STAB2: variants seen among roughly 807,000 people sequenced by gnomAD.
The protein encoded by STAB2 is stabilin-2.
A neutral mutation model predicts 338.1 loss-of-function variants in STAB2; 288 were observed. The observed-to-expected ratio is 0.85, with a 90% CI of 0.77 to 0.94. The LOEUF (loss-of-function observed/expected upper bound fraction) is 0.94. Ranked by LOEUF, STAB2 falls within the 40% of genes least tolerant of loss-of-function variation. The pLI, the probability that STAB2 is intolerant of heterozygous loss-of-function variation, is 0.00. For missense variants in STAB2, 3,141 were observed against 3,210.1 expected (o/e 0.98, Z 0.52); for synonymous variants, 1,202 against 1,193.3 (o/e 1.01, Z -0.15).
At position 103,631,525 on chromosome 12, in the gene STAB2, A is replaced by G. The variant is rs1957461974; in HGVS notation, c.488-73A>G. On this transcript the variant is annotated intron_variant, in intron 5 of 68. Coordinates refer to ENST00000388887, the MANE Select transcript of STAB2 (RefSeq NM_017564.10). ...CAGAGTCTCAGCAAAGATGATCTAA[A>G]AACACTAGCTTTCCAGAATGTTTAG... 3.4e-6 allele frequency: 5 copies of G among 1,459,056 alleles called. No individual in the cohort carries two copies. In the Admixed American group the frequency reaches 8.4e-5, roughly 25 times the overall value. The allele number at this position is 1,459,056 out of a possible 1,614,324, so 90.4% of individuals were successfully genotyped here.
At chr12:103,731,745 G>C in intron 50 of STAB2, 110 bp downstream of exon 50, 1 of 1,067,640 alleles carries the variant, frequency 9.4e-7, no homozygotes, top group Non-Finnish European at 1.4e-6. Flanking sequence ...GCTGTTGTGG[G>C]ATCTGCATGG....
At chr12:103,761,542 C>A in intron 66 of STAB2, 132 bp downstream of exon 66, 1 of 767,014 alleles carries the variant, frequency 1.3e-6, no homozygotes, top group Non-Finnish European at 2.1e-6. Flanking sequence ...CAGCCTCCAA[C>A]CTCCAAGGTA....
At position 103,725,079 on chromosome 12, in the gene STAB2, C is replaced by T. The variant is rs751986200; in HGVS notation, c.4788C>T (p.Arg1596=). 9 of 1,612,860 alleles carry T rather than the reference C, an allele frequency of 5.6e-6. No individual in the cohort carries two copies. The highest frequency in any genetic ancestry group is 7.6e-6 in the Non-Finnish European group (9 of 1,179,068). ...ACATTGGAGATGGATTTACCTGCCG[C>T]GGCAGCATTTATCAGGTAACGCGAG... The part of the protein sequence containing the change: ...PNYIGDGFTC[R]GSIYQELPKN... The change falls in exon 45 of 69, where the codon CGC becomes CGT. Residue 1596 remains arginine (R), a synonymous_variant. Coordinates refer to ENST00000388887, the MANE Select transcript of STAB2 (RefSeq NM_017564.10).
intron 5 of STAB2, among the ~76,000 whole-genome samples, chr12:103,624,566 G>A (rs1957351363): frequency 6.6e-6 from 1 of 152,190 alleles, no homozygotes; most frequent in African/African-American, 2.4e-5. Flanking sequence ...TTATTCCCTA[G>A]CATCCCCTAA....
At chr12:103,613,749 A>G (rs1222607621) in intron 3 of STAB2, among the ~76,000 whole-genome samples, 1 of 152,172 alleles carries the variant, frequency 6.6e-6, no homozygotes, top group Non-Finnish European at 1.5e-5. Context: ...TCAGTTGGAA[A>G]TGCAGAAATC....
At chr12:103,597,649 C>T (rs1450517559) in intron 3 of STAB2, among the ~76,000 whole-genome samples, 1 of 152,294 alleles carries the variant, frequency 6.6e-6, no homozygotes, top group East Asian at 1.9e-4. Context: ...ATTTATACTA[C>T]TTTATCAAAT....
intron 26 of STAB2, among the ~76,000 whole-genome samples, chr12:103,683,989 A>G (rs1279164500): frequency 6.6e-6 from 1 of 152,174 alleles, no homozygotes; most frequent in Non-Finnish European, 1.5e-5. Flanking sequence ...AGAGGCAGGA[A>G]GTATAGCTAG....
At position 103,758,293 on chromosome 12, in the gene STAB2, A is replaced by G; in HGVS notation, c.7107+4A>G. 6.2e-7 allele frequency: 1 copy of G among 1,613,176 alleles called. No individual in the cohort carries two copies. The highest frequency in any genetic ancestry group is 8.5e-7 in the Non-Finnish European group (1 of 1,180,012). On this transcript the variant is annotated splice_donor_region_variant and intron_variant, in intron 64 of 68. Coordinates refer to ENST00000388887, the MANE Select transcript of STAB2 (RefSeq NM_017564.10). Reference sequence around the variant, plus strand: ...CAGTGGGCTGGGGGAGAATGAGGTGAGTTGAGTCCCTGGTGCCTTTGCTTT... The same window carrying G: ...CAGTGGGCTGGGGGAGAATGAGGTGGGTTGAGTCCCTGGTGCCTTTGCTTT...
chr12:103,740,845 G>A (rs973281913), intron 55 of STAB2, 89 bp downstream of exon 55: 2 of 1,455,902 alleles, frequency 1.4e-6, no homozygotes, highest in South Asian at 1.5e-5. Context: ...AAAATTATAG[G>A]GGGATGGGGG....
intron 20 of STAB2, chr12:103,669,315 T>G (rs192516629): frequency 2.0e-6 from 1 of 490,844 alleles, no homozygotes; most frequent in East Asian, 3.3e-5. Context: ...CTCTGTCTGT[T>G]CGCACAGTGT....
chr12:103,712,028 G>T (rs1382484982), intron 40 of STAB2, among the ~76,000 whole-genome samples: 2 of 152,218 alleles, frequency 1.3e-5, no homozygotes, highest in African/African-American at 4.8e-5. Flanking sequence ...AATCCGACTT[G>T]CCAGGGCTAT....
chr12:103,611,024 C>G (rs1261523706), intron 3 of STAB2, among the ~76,000 whole-genome samples: 1 of 152,172 alleles, frequency 6.6e-6, no homozygotes, highest in African/African-American at 2.4e-5. Flanking sequence ...ATCCCGAGTT[C>G]TAGTTTGATT....
chr12:103,751,754 G>A (rs1254877261), intron 60 of STAB2, among the ~76,000 whole-genome samples: 1 of 152,164 alleles, frequency 6.6e-6, no homozygotes, highest in Non-Finnish European at 1.5e-5. Context: ...CTTCCAAGTG[G>A]AAATCTACCC....
intron 3 of STAB2, among the ~76,000 whole-genome samples, chr12:103,613,273 C>G (rs1957155412): frequency 6.6e-6 from 1 of 152,196 alleles, no homozygotes; most frequent in Non-Finnish European, 1.5e-5. Context: ...TGGCTATGCC[C>G]TGCCCACAGA....
chr12:103,766,506 C>A lies in STAB2; in HGVS notation c.*170C>A. The A allele has an allele frequency of 1.4e-6, 1 of 704,320 alleles. No homozygotes were observed. Among genetic ancestry groups the A allele is most frequent in the Non-Finnish European group, 2.3e-6 (1 of 432,556 alleles). The allele number at this position is 704,320 out of a possible 1,614,324, so 43.6% of individuals were successfully genotyped here. A position where few individuals can be genotyped will look rare whatever the true frequency, so the allele number is the denominator to read the frequency against. On this transcript the variant is annotated 3_prime_UTR_variant, in exon 69 of 69. Transcript: ENST00000388887. ...GTTTCTGTGGGTGAGAGATGTGTTGCTGTGCCCACCCAGTACAGCTTCCTC... is the reference window on the plus strand; with the variant it reads ...GTTTCTGTGGGTGAGAGATGTGTTGATGTGCCCACCCAGTACAGCTTCCTC...
intron 44 of STAB2, among the ~76,000 whole-genome samples, chr12:103,718,457 A>C (rs1418354461): frequency 1.3e-5 from 2 of 152,078 alleles, no homozygotes; most frequent in Non-Finnish European, 2.9e-5. Flanking sequence ...GGATAGAAGC[A>C]CTGTGTCTCC....
chr12:103,654,977 G>T (rs1482913511), intron 13 of STAB2: 4 of 545,632 alleles, frequency 7.3e-6, no homozygotes, highest in Non-Finnish European at 1.3e-5. Flanking sequence ...CAATCATCAT[G>T]AAAATATTTT....
intron 9 of STAB2, among the ~76,000 whole-genome samples, chr12:103,647,144 G>C (rs185335168): frequency 6.6e-6 from 1 of 152,306 alleles, no homozygotes; most frequent in East Asian, 1.9e-4. Flanking sequence ...GAATTTTAAA[G>C]CGCAGTCAGG....
At position 103,706,820 on chromosome 12, in the gene STAB2, G is replaced by A. The variant is rs1566032927; in HGVS notation, c.4025G>A (p.Gly1342Asp). 3 of 1,614,090 alleles carry A rather than the reference G, an allele frequency of 1.9e-6. No homozygotes were observed. The South Asian group carries it at 3.3e-5, about 18-fold the overall frequency. Residue 1342 changes from glycine (G) to aspartate (D), a missense_variant, in exon 38 of 69, where the codon GGC becomes GAC. Coordinates refer to ENST00000388887, the MANE Select transcript of STAB2 (RefSeq NM_017564.10). ...AGAGAATGCTGTGCCGGCTTCTTTG[G>A]CCCCCAATGCCAGCCCTGCCCAGGG... Reference protein sequence around the residue: ...ITRECCAGFFGPQCQPCPGNA... With the variant: ...ITRECCAGFFDPQCQPCPGNA...
Sources: gnomAD v4.1 joint callset for allele counts (sites outside exome capture counted in the v4.1 genomes callset) on GRCh38, gnomAD v4.1.1 for gene constraint, MANE v1.5 for transcripts, NCBI Gene and HGNC (gene_info 2026-07-23, HGNC 2026-07-21) for gene names.